Variants in LUZP2 observed in about 807,000 individuals in gnomAD.
The protein encoded by LUZP2 is leucine zipper protein 2.
Under a neutral mutation model 51.6 loss-of-function variants are expected in LUZP2, and 52 were observed. That is an observed-to-expected ratio of 1.01 (90% CI 0.81 to 1.27). The LOEUF (loss-of-function observed/expected upper bound fraction) is 1.27, where lower values mean the gene tolerates loss of function less well. Ranked by LOEUF, LUZP2 falls within the 50% of genes most tolerant of loss-of-function variation. The pLI, the probability that LUZP2 is intolerant of heterozygous loss-of-function variation, is 0.00. For synonymous variants in LUZP2, 154 were observed against 137.3 expected, an observed-to-expected ratio of 1.12 and a Z score of -0.85; for missense variants, 436 against 395.4, an observed-to-expected ratio of 1.10 and a Z score of -0.87.
intron 7 of LUZP2, among the ~76,000 whole-genome samples, chr11:24,917,595 T>C (rs1405301503): frequency 6.6e-6 from 1 of 152,010 alleles, no homozygotes; most frequent in African/African-American, 2.4e-5. Flanking sequence ...ATAGGGAATC[T>C]TTTCCCCATT....
At chr11:24,769,483 C>G (rs1860320402) in intron 5 of LUZP2, among the ~76,000 whole-genome samples, 1 of 152,164 alleles carries the variant, frequency 6.6e-6, no homozygotes, top group South Asian at 2.1e-4. Context: ...GTGTATTGAA[C>G]ATCACATTGC....
intron 5 of LUZP2, among the ~76,000 whole-genome samples, chr11:24,884,267 T>C (rs766976756): frequency 2.0e-5 from 3 of 152,038 alleles, no homozygotes; most frequent in Non-Finnish European, 2.9e-5. Context: ...TATGTACATT[T>C]TGACCATAAA....
chr11:24,847,074 C>A (rs893936455), intron 5 of LUZP2, among the ~76,000 whole-genome samples: 4 of 151,636 alleles, frequency 2.6e-5, no homozygotes, highest in African/African-American at 9.7e-5. Context: ...ATTATTACTT[C>A]TTTTTCTCAG....
At chr11:24,556,034 T>C (rs1378921089) in intron 1 of LUZP2, among the ~76,000 whole-genome samples, 2 of 152,158 alleles carry the variant, frequency 1.3e-5, no homozygotes, top group Non-Finnish European at 2.9e-5. Context: ...ATCCTGCTTT[T>C]ATGGGTGATT....
intron 9 of LUZP2, among the ~76,000 whole-genome samples, chr11:25,028,329 T>C (rs978862336): frequency 3.9e-5 from 6 of 152,206 alleles, no homozygotes; most frequent in Non-Finnish European, 8.8e-5. Context: ...TATATTTTTA[T>C]ACCCATTTCT....
intron 1 of LUZP2, among the ~76,000 whole-genome samples, chr11:24,718,096 T>C (rs1450625053): frequency 6.6e-6 from 1 of 152,168 alleles, no homozygotes; most frequent in Non-Finnish European, 1.5e-5. Context: ...AAGGCTTTCT[T>C]TTATAGAGAG....
At chr11:24,587,539 A>T (rs866539994) in intron 1 of LUZP2, among the ~76,000 whole-genome samples, 4 of 152,208 alleles carry the variant, frequency 2.6e-5, no homozygotes, top group Middle Eastern at 6.8e-3. Context: ...CCACCTATAA[A>T]TCCTAGCACT....
rs781510728 is a variant in LUZP2 at position 24,707,921 on chromosome 11, G to A, written c.63-21248G>A. Among the ~76,000 whole-genome samples, 9 of 152,172 alleles carry A rather than the reference G, an allele frequency of 5.9e-5. No individual in the cohort carries two copies. In the South Asian group the frequency reaches 8.3e-4, roughly 14 times the overall value. ...GGAAGGGGAAGGGGTTCTTATCTCT[G>A]ACGCACGTGGCCCCTGCTGCAGTGT... On this transcript the variant is annotated intron_variant, in intron 1 of 11. Coordinates refer to ENST00000336930, the MANE Select transcript of LUZP2 (RefSeq NM_001009909.4).
chr11:24,934,053 A>G lies in LUZP2; in HGVS notation c.522+19515A>G, dbSNP rs150038318. 9.8e-5 allele frequency among the ~76,000 whole-genome samples: 15 copies of G among 152,330 alleles called. No homozygotes were observed. In the East Asian group the frequency reaches 2.5e-3, roughly 25 times the overall value. On this transcript the variant is annotated intron_variant, in intron 7 of 11. Transcript: ENST00000336930. ...ATTCTCAAGGGTAGGGGAATATCAC[A>G]AAGTACATTATCGCAAGGGCAGGGA...
intron 1 of LUZP2, among the ~76,000 whole-genome samples, chr11:24,681,926 T>G (rs1251389512): frequency 6.6e-6 from 1 of 152,182 alleles, no homozygotes. Context: ...TTGGTTAAAA[T>G]GCAAAACATC....
chr11:24,705,996 G>C (rs927860451), intron 1 of LUZP2, among the ~76,000 whole-genome samples: 2 of 151,578 alleles, frequency 1.3e-5, no homozygotes, highest in African/African-American at 4.8e-5. Context: ...TTGAGTGACA[G>C]CTTAAACTAG....
At chr11:24,848,348 A>G (rs1324487462) in intron 5 of LUZP2, among the ~76,000 whole-genome samples, 3 of 152,058 alleles carry the variant, frequency 2.0e-5, no homozygotes, top group Non-Finnish European at 4.4e-5. Context: ...ATCTCCCTTT[A>G]TCTTCACTAC....
At chr11:25,036,036 G>A (rs1857849118) in intron 9 of LUZP2, among the ~76,000 whole-genome samples, 1 of 152,048 alleles carries the variant, frequency 6.6e-6, no homozygotes, top group African/African-American at 2.4e-5. Flanking sequence ...GTTTCAGTAA[G>A]ATTGGTATCC....
intron 1 of LUZP2, among the ~76,000 whole-genome samples, chr11:24,635,050 G>A (rs749780868): frequency 7.9e-5 from 12 of 152,108 alleles, no homozygotes; most frequent in Non-Finnish European, 1.6e-4. Flanking sequence ...CGTGGGATGG[G>A]GGTGAGGGAT....
chr11:24,762,927 T>C, intron 4 of LUZP2: 1 of 917,310 alleles, frequency 1.1e-6, no homozygotes, highest in Non-Finnish European at 1.3e-6. Flanking sequence ...CTATTTTTTC[T>C]TTTTTTAAAG....
chr11:25,056,821 C>T lies in LUZP2; in HGVS notation c.858+6691C>T, dbSNP rs370666060. On this transcript the variant is annotated intron_variant, in intron 10 of 11. Transcript: ENST00000336930. ...TCATGTTAAACACTTTGAGAAATTG[C>T]CGGGCGCCGTGGCTCATGCCTGTAA... 3.8e-4 allele frequency among the ~76,000 whole-genome samples: 58 copies of T among 152,232 alleles called. No individual in the cohort carries two copies. The South Asian group carries it at 0.012, about 30-fold the overall frequency.
At chr11:24,588,399 T>C (rs951034744) in intron 1 of LUZP2, among the ~76,000 whole-genome samples, 1 of 152,130 alleles carries the variant, frequency 6.6e-6, no homozygotes, top group Non-Finnish European at 1.5e-5. Context: ...GTGTCTTCAT[T>C]TAACTAGCCC....
intron 10 of LUZP2, among the ~76,000 whole-genome samples, chr11:25,072,444 G>A (rs1172716064): frequency 6.6e-6 from 1 of 152,058 alleles, no homozygotes; most frequent in Admixed American, 6.6e-5. Flanking sequence ...TTGGCTCTTA[G>A]TGTTGAGGCA....
intron 5 of LUZP2, among the ~76,000 whole-genome samples, chr11:24,819,856 C>T (rs1228937894): frequency 6.6e-6 from 1 of 152,078 alleles, no homozygotes; most frequent in Admixed American, 6.6e-5. Context: ...ATTTTTCCCA[C>T]AATGAGGCTC....
Sources: gnomAD v4.1 joint callset for allele counts (sites outside exome capture counted in the v4.1 genomes callset) on GRCh38, gnomAD v4.1.1 for gene constraint, MANE v1.5 for transcripts, NCBI Gene and HGNC (gene_info 2026-07-23, HGNC 2026-07-21) for gene names.